The following TMED3 variants were observed in gnomAD, a reference collection of about 807,000 sequenced individuals.
TMED3 encodes the protein transmembrane p24 trafficking protein 3, also known as transmembrane emp24 domain-containing protein 3.
A neutral mutation model predicts 15.0 loss-of-function variants in TMED3; 9 were observed. The ratio of observed to expected loss-of-function variants is 0.60; its 90% CI spans 0.36 to 1.04. The LOEUF is 1.04. TMED3 is among the 50% of genes least tolerant of loss of function. The probability of loss-of-function intolerance (pLI) is 0.01; values close to 1 mark genes in which losing one functional copy is unlikely to be tolerated. For missense variants in TMED3, 267 were observed against 278.9 expected, an observed-to-expected ratio of 0.96 and a Z score of 0.30; for synonymous variants, 117 against 121.4, an observed-to-expected ratio of 0.96 and a Z score of 0.24.
chr15:79,403,588 G>C (rs1893863322), intron 2 of TMED3, among the ~76,000 whole-genome samples: 1 of 152,104 alleles, frequency 6.6e-6, no homozygotes, highest in Non-Finnish European at 1.5e-5. Flanking sequence ...AGCAATCCCA[G>C]TTTCTATGAT....
intron 2 of TMED3, among the ~76,000 whole-genome samples, chr15:79,367,772 G>A (rs28680310): frequency 0.27 from 41,338 of 152,102 alleles, 5,819 homozygotes; most frequent in African/African-American, 0.35. Flanking sequence ...AAATCAATAC[G>A]TGGAAATTGC....
rs193179769 is a variant in TMED3 at position 79,379,573 on chromosome 15, A to T, written c.418-31827A>T. Among the ~76,000 whole-genome samples the T allele has an allele frequency of 5.1e-4, 77 of 152,302 alleles. 1 individual carries two copies. Among genetic ancestry groups the T allele is most frequent in the Admixed American group, 3.2e-3 (49 of 15,302 alleles). ...TAATAATTACTCTAATATTACTGCG[A>T]TGTAAAGTGTGGCTAAAATTTGTTC... On this transcript the variant is annotated intron_variant, in intron 2 of 2. Transcript: ENST00000424155.
At chr15:79,388,112 A>C (rs1329812729) in intron 2 of TMED3, among the ~76,000 whole-genome samples, 2 of 152,132 alleles carry the variant, frequency 1.3e-5, no homozygotes. Flanking sequence ...CATGATGCCC[A>C]GTAAAGTGAT....
At chr15:79,313,733 C>G (rs1360180008) in intron 1 of TMED3, 24 bp from the exon 2 acceptor site, 3 of 1,603,770 alleles carry the variant, frequency 1.9e-6, no homozygotes, top group Non-Finnish European at 2.6e-6. Flanking sequence ...CCTTTGATAA[C>G]AGCAATTTTT....
intron 2 of TMED3, among the ~76,000 whole-genome samples, chr15:79,385,081 G>A (rs751669633): frequency 1.3e-5 from 2 of 152,188 alleles, no homozygotes; most frequent in African/African-American, 2.4e-5. Context: ...TAAGGGAAGT[G>A]GTGAGTGATT....
chr15:79,313,261 C>T (rs1023372907), intron 1 of TMED3, among the ~76,000 whole-genome samples: 3 of 152,004 alleles, frequency 2.0e-5, no homozygotes, highest in Admixed American at 6.6e-5. Context: ...CATCCCTCCT[C>T]ATCTTGCTCT....
At chr15:79,345,544 A>G (rs2058867620) in intron 2 of TMED3, among the ~76,000 whole-genome samples, 1 of 152,144 alleles carries the variant, frequency 6.6e-6, no homozygotes, top group Non-Finnish European at 1.5e-5. Context: ...TATCCAGTCT[A>G]TTATTGGTGG....
downstream of TMED3, among the ~76,000 whole-genome samples, chr15:79,323,761 C>G (rs2058777445): frequency 1.3e-5 from 2 of 152,146 alleles, no homozygotes; most frequent in Non-Finnish European, 2.9e-5. Context: ...TTTATGGAAA[C>G]TAGGTTCTTT....
At chr15:79,409,660 C>A (rs912750681) in intron 2 of TMED3, among the ~76,000 whole-genome samples, 1 of 152,134 alleles carries the variant, frequency 6.6e-6, no homozygotes, top group African/African-American at 2.4e-5. Flanking sequence ...AATAAAAGCA[C>A]TTTGTCTGAA....
At chr15:79,369,048 C>T (rs892508622) in intron 2 of TMED3, among the ~76,000 whole-genome samples, 3 of 150,402 alleles carry the variant, frequency 2.0e-5, no homozygotes, top group African/African-American at 7.4e-5. Flanking sequence ...GAGCCGAGAT[C>T]GCACCACTGT....
intron 2 of TMED3, among the ~76,000 whole-genome samples, chr15:79,400,206 C>A (rs1448163874): frequency 6.6e-6 from 1 of 152,194 alleles, no homozygotes; most frequent in Non-Finnish European, 1.5e-5. Context: ...CTGGTCCCTC[C>A]TAATGTTTTA....
intron 2 of TMED3, among the ~76,000 whole-genome samples, chr15:79,404,963 G>A (rs1375008700): frequency 6.6e-6 from 1 of 152,194 alleles, no homozygotes; most frequent in Non-Finnish European, 1.5e-5. Context: ...TAGGCCACGG[G>A]TATAAGTTGA....
intron 2 of TMED3, among the ~76,000 whole-genome samples, chr15:79,402,816 G>A (rs925381387): frequency 6.6e-6 from 1 of 151,726 alleles, no homozygotes; most frequent in Non-Finnish European, 1.5e-5. Context: ...AAATAAAAAG[G>A]GGGGCCAAGG....
rs200442684 is a variant in TMED3 at position 79,410,688 on chromosome 15, A to ATG, written c.418-702_418-701dup. Among the ~76,000 whole-genome samples, 904 of 136,806 alleles carry ATG rather than the reference A, an allele frequency of 6.6e-3. 9 individuals are homozygous for ATG. The highest frequency in any genetic ancestry group is 0.021 in the African/African-American group (843 of 39,966). The allele number at this position is 136,806 out of a possible 152,430, so 89.8% of individuals were successfully genotyped here. The stretch of plus-strand genomic sequence containing the variant: ...ACATGTGAAATATATATATGTGTAT[A>ATG]TGTGTGTGTGTATATATATATATAT... On this transcript the variant is annotated intron_variant, in intron 2 of 2. Transcript: ENST00000424155.
At chr15:79,391,308 A>C (rs1221895319) in intron 2 of TMED3, among the ~76,000 whole-genome samples, 1 of 151,996 alleles carries the variant, frequency 6.6e-6, no homozygotes, top group Non-Finnish European at 1.5e-5. Flanking sequence ...TTCAATTTCC[A>C]TCTTGATTTT....
At chr15:79,391,058 A>AT (rs1011827934) in intron 2 of TMED3, among the ~76,000 whole-genome samples, 66 of 143,104 alleles carry the variant, frequency 4.6e-4, no homozygotes, top group South Asian at 8.9e-4. Flanking sequence ...TATCTTTTGT[A>AT]TTTTTTTTTT....
At chr15:79,363,342 A>C (rs947512693) in intron 2 of TMED3, among the ~76,000 whole-genome samples, 1 of 152,176 alleles carries the variant, frequency 6.6e-6, no homozygotes, top group Non-Finnish European at 1.5e-5. Flanking sequence ...CAGACTAAAA[A>C]CTTGTAAAAC....
chr15:79,317,822 T>G (rs1596050226), intron 2 of TMED3, among the ~76,000 whole-genome samples: 3 of 152,202 alleles, frequency 2.0e-5, no homozygotes, highest in Admixed American at 2.0e-4. Context: ...CATCTTCTCT[T>G]CCCAGTAGAA....
intron 2 of TMED3, among the ~76,000 whole-genome samples, chr15:79,317,392 A>G (rs2058745279): frequency 6.6e-6 from 1 of 152,016 alleles, no homozygotes; most frequent in South Asian, 2.1e-4. Context: ...AAGGCTGGAG[A>G]TGCTGACCAG....
Sources: gnomAD v4.1 joint callset for allele counts (sites outside exome capture counted in the v4.1 genomes callset) on GRCh38, gnomAD v4.1.1 for gene constraint, MANE v1.5 for transcripts, NCBI Gene and HGNC (gene_info 2026-07-23, HGNC 2026-07-21) for gene names.